ZNF385D: variants seen among roughly 807,000 people sequenced by gnomAD.
The protein encoded by ZNF385D is zinc finger protein 659.
Under a neutral mutation model 35.8 loss-of-function variants are expected in ZNF385D, and 15 were observed. That is an observed-to-expected ratio of 0.42 (90% CI 0.28 to 0.64). The LOEUF is 0.64. Among genes scored for constraint, ZNF385D ranks in the 30% least tolerant of loss-of-function variants. ZNF385D has a pLI of 0.23. For synonymous variants in ZNF385D, 212 were observed against 186.8 expected (o/e 1.13, Z -1.10); for missense variants, 474 against 494.6 (o/e 0.96, Z 0.39).
intron 3 of ZNF385D, among the ~76,000 whole-genome samples, chr3:21,535,123 T>A (rs1195142038): frequency 1.1e-4 from 16 of 152,118 alleles, no homozygotes; most frequent in Admixed American, 1.0e-3. Flanking sequence ...AACAACAATA[T>A]AACAACTTAC....
chr3:22,191,015 G>A (rs2125224716), intron 2 of ZNF385D, among the ~76,000 whole-genome samples: 1 of 152,094 alleles, frequency 6.6e-6, no homozygotes, highest in East Asian at 1.9e-4. Flanking sequence ...AAATACGTGT[G>A]TTTTTAAAGA....
At chr3:21,869,687 A>G (rs991446916) in intron 3 of ZNF385D, among the ~76,000 whole-genome samples, 2 of 152,186 alleles carry the variant, frequency 1.3e-5, no homozygotes, top group Non-Finnish European at 2.9e-5. Flanking sequence ...TTACTGCAAC[A>G]TAAGATGAAA....
At chr3:22,077,674 G>T (rs997654365) in intron 3 of ZNF385D, among the ~76,000 whole-genome samples, 1 of 151,942 alleles carries the variant, frequency 6.6e-6, no homozygotes, top group African/African-American at 2.4e-5. Context: ...CACATGTAAT[G>T]ATTTCCCTCA....
intron 3 of ZNF385D, among the ~76,000 whole-genome samples, chr3:21,806,106 C>T (rs1878011): frequency 0.11 from 17,107 of 152,036 alleles, 1,468 homozygotes; most frequent in East Asian, 0.41. Flanking sequence ...TTGTCTGGTA[C>T]TCAAGTGGTG....
chr3:21,471,178 G>A (rs1169588595), intron 4 of ZNF385D, among the ~76,000 whole-genome samples: 1 of 151,380 alleles, frequency 6.6e-6, no homozygotes, highest in African/African-American at 2.4e-5. Context: ...TCTGAGTTAG[G>A]GTTCCTTTCA....
chr3:21,768,284 T>C (rs1482416143), intron 3 of ZNF385D, among the ~76,000 whole-genome samples: 1 of 152,246 alleles, frequency 6.6e-6, no homozygotes, highest in Admixed American at 6.6e-5. Context: ...TTATTAATCA[T>C]ACCTTAACAG....
intron 2 of ZNF385D, among the ~76,000 whole-genome samples, chr3:22,327,105 T>C (rs1021745831): frequency 2.0e-5 from 3 of 152,164 alleles, no homozygotes; most frequent in Admixed American, 6.6e-5. Context: ...AAATATTGAC[T>C]AAAGTGAATT....
At chr3:22,287,035 C>G (rs924940567) in intron 2 of ZNF385D, among the ~76,000 whole-genome samples, 1 of 136,058 alleles carries the variant, frequency 7.3e-6, no homozygotes, top group Non-Finnish European at 1.5e-5. Context: ...TTAATAACTT[C>G]TTTAGATATT....
chr3:22,153,552 C>T (rs540963966), intron 3 of ZNF385D, among the ~76,000 whole-genome samples: 1 of 151,134 alleles, frequency 6.6e-6, no homozygotes, highest in Non-Finnish European at 1.5e-5. Context: ...CAAACTCCCC[C>T]TCCTGGGTCC....
At chr3:21,968,408 A>G (rs1236813370) in intron 3 of ZNF385D, among the ~76,000 whole-genome samples, 2 of 152,076 alleles carry the variant, frequency 1.3e-5, no homozygotes, top group Non-Finnish European at 2.9e-5. Context: ...TGAGGTACAC[A>G]TGACCTAGTG....
intron 3 of ZNF385D, among the ~76,000 whole-genome samples, chr3:21,820,952 C>G (rs966326408): frequency 1.3e-5 from 2 of 150,878 alleles, no homozygotes; most frequent in African/African-American, 4.9e-5. Flanking sequence ...TTTAAAAATT[C>G]TAGAAAAATA....
chr3:21,440,414 C>A (rs1363128211), intron 4 of ZNF385D, among the ~76,000 whole-genome samples: 1 of 152,070 alleles, frequency 6.6e-6, no homozygotes, highest in Non-Finnish European at 1.5e-5. Flanking sequence ...CTGACCAGTA[C>A]TCCTCAAAAC....
chr3:21,965,423 G>A (rs1006382180), intron 3 of ZNF385D, among the ~76,000 whole-genome samples: 5 of 152,042 alleles, frequency 3.3e-5, no homozygotes, highest in East Asian at 1.9e-4. Context: ...GTGCCAGAGC[G>A]TACAGTAAGT....
chr3:22,201,673 T>G (rs2125243847), intron 2 of ZNF385D, among the ~76,000 whole-genome samples: 1 of 152,178 alleles, frequency 6.6e-6, no homozygotes, highest in Non-Finnish European at 1.5e-5. Flanking sequence ...CTCTCACATT[T>G]TATGCTGATA....
At chr3:21,453,640 G>C (rs1702603827) in intron 4 of ZNF385D, among the ~76,000 whole-genome samples, 2 of 151,254 alleles carry the variant, frequency 1.3e-5, no homozygotes, top group Non-Finnish European at 3.0e-5. Flanking sequence ...AAAACCACTG[G>C]GAAATACCAT....
At chr3:21,960,458 A>G (rs1333412487) in intron 3 of ZNF385D, among the ~76,000 whole-genome samples, 1 of 17,408 alleles carries the variant, frequency 5.7e-5, no homozygotes, top group Admixed American at 3.1e-4. Context: ...TGGATGCAGT[A>G]AAAAACGGAT....
At chr3:21,483,695 T>C (rs1231049974) in intron 4 of ZNF385D, among the ~76,000 whole-genome samples, 1 of 152,170 alleles carries the variant, frequency 6.6e-6, no homozygotes, top group Non-Finnish European at 1.5e-5. Context: ...TTTTATGTGC[T>C]TTTCATTGTA....
chr3:21,895,429 T>G (rs1419643845), intron 3 of ZNF385D, among the ~76,000 whole-genome samples: 2 of 145,642 alleles, frequency 1.4e-5, no homozygotes, highest in Non-Finnish European at 3.0e-5. Context: ...TGGGTTCAAG[T>G]GATTCTCCTG....
At chr3:22,111,881 C>A (rs1017867087) in intron 3 of ZNF385D, among the ~76,000 whole-genome samples, 7 of 152,148 alleles carry the variant, frequency 4.6e-5, no homozygotes, top group Non-Finnish European at 7.4e-5. Context: ...AGAGAACAAA[C>A]TACTGAGAAG....
Sources: gnomAD v4.1 joint callset for allele counts (sites outside exome capture counted in the v4.1 genomes callset) on GRCh38, gnomAD v4.1.1 for gene constraint, MANE v1.5 for transcripts, NCBI Gene and HGNC (gene_info 2026-07-23, HGNC 2026-07-21) for gene names.